Variants in KCNH5 observed in about 807,000 individuals in gnomAD.
KCNH5 encodes the protein voltage-gated delayed rectifier potassium channel KCNH5.
KCNH5 carries 46 observed loss-of-function variants against 96.1 expected under a neutral mutation model. The ratio of observed to expected loss-of-function variants is 0.48; its 90% CI spans 0.38 to 0.61. The LOEUF (loss-of-function observed/expected upper bound fraction) is 0.61. Among genes scored for constraint, KCNH5 ranks in the 20% least tolerant of loss-of-function variants. The pLI is 0.00. For missense variants in KCNH5, 907 were observed against 1,225.8 expected, an observed-to-expected ratio of 0.74 and a Z score of 3.88; for synonymous variants, 439 against 449.8, an observed-to-expected ratio of 0.98 and a Z score of 0.30.
chr14:62,862,734 G>C (rs541731802), intron 7 of KCNH5, among the ~76,000 whole-genome samples: 4 of 152,274 alleles, frequency 2.6e-5, no homozygotes, highest in African/African-American at 7.2e-5. Flanking sequence ...AAGAGAGCAA[G>C]AATAGCGAAG....
chr14:63,034,367 C>T (rs1255020509), intron 1 of KCNH5, among the ~76,000 whole-genome samples: 1 of 152,146 alleles, frequency 6.6e-6, no homozygotes, highest in African/African-American at 2.4e-5. Flanking sequence ...TAAACAAAAG[C>T]ACAATCATGC....
chr14:62,749,687 G>A (rs1439502593), intron 10 of KCNH5, among the ~76,000 whole-genome samples: 5 of 152,166 alleles, frequency 3.3e-5, no homozygotes, highest in Admixed American at 3.3e-4. Context: ...AAAGGGCTGA[G>A]CTGCAGATTT....
intron 1 of KCNH5, among the ~76,000 whole-genome samples, chr14:63,043,451 T>G (rs1461259615): frequency 6.6e-6 from 1 of 152,194 alleles, no homozygotes; most frequent in Non-Finnish European, 1.5e-5. Context: ...CAAACTGTTT[T>G]AAGAGTAATA....
At chr14:62,815,403 A>C (rs138602494) in intron 8 of KCNH5, among the ~76,000 whole-genome samples, 37 of 152,290 alleles carry the variant, frequency 2.4e-4, no homozygotes, top group Non-Finnish European at 5.0e-4. Flanking sequence ...TTTATTTATA[A>C]TATAATTTGT....
intron 8 of KCNH5, among the ~76,000 whole-genome samples, chr14:62,827,749 G>A (rs890098790): frequency 2.0e-5 from 3 of 152,106 alleles, no homozygotes; most frequent in African/African-American, 7.2e-5. Flanking sequence ...ATTACAACAG[G>A]TCAATTTTCC....
intron 10 of KCNH5, among the ~76,000 whole-genome samples, chr14:62,726,061 T>C (rs1884917802): frequency 6.6e-6 from 1 of 152,188 alleles, no homozygotes; most frequent in Non-Finnish European, 1.5e-5. Context: ...ACAATGATCA[T>C]TTAAATATAA....
intron 7 of KCNH5, among the ~76,000 whole-genome samples, chr14:62,937,112 C>T (rs535442595): frequency 2.0e-5 from 3 of 152,086 alleles, no homozygotes; most frequent in African/African-American, 2.4e-5. Flanking sequence ...ATGCTAGAAT[C>T]GTATATGTGA....
In KCNH5 at chr14:62,700,033, T is replaced by A. The variant is rs1437277318; in HGVS notation, c.*7475A>T. 1.3e-5 allele frequency: 2 copies of A among 152,184 alleles called. No individual in the cohort carries two copies. The highest frequency in any genetic ancestry group is 2.4e-5 in the African/African-American group (1 of 41,454). The allele number at this position is 152,184 out of a possible 1,614,324, so 9.4% of individuals were successfully genotyped here. A position where few individuals can be genotyped will look rare whatever the true frequency, so the allele number is the denominator to read the frequency against. Reference sequence around the variant, plus strand: ...TACCCCCAATATCTCACCAATATGGTTGCAGTGACAAAAACATTTAAGAAG... The same window carrying A: ...TACCCCCAATATCTCACCAATATGGATGCAGTGACAAAAACATTTAAGAAG... On this transcript the variant is annotated 3_prime_UTR_variant, in exon 11 of 11. Coordinates refer to ENST00000322893, the MANE Select transcript of KCNH5 (RefSeq NM_139318.5).
At chr14:62,850,050 T>C (rs1887774187) in intron 7 of KCNH5, among the ~76,000 whole-genome samples, 198 bp from the exon 8 acceptor site, 1 of 152,186 alleles carries the variant, frequency 6.6e-6, no homozygotes, top group Non-Finnish European at 1.5e-5. Context: ...AACATGACTT[T>C]ATGAGCATGC....
chr14:62,924,656 C>G (rs1414602883), intron 7 of KCNH5, among the ~76,000 whole-genome samples: 1 of 151,800 alleles, frequency 6.6e-6, no homozygotes. Flanking sequence ...AATCCTGCTG[C>G]CATTTGCAAT....
rs563706983 is a variant in KCNH5 at position 62,941,410 on chromosome 14, C to T, written c.1369+8723G>A. ...TGTACATCACACAGTCTTTTTCTAA[C>T]TACTGGACTACACATCTGAGACTGC... is the stretch of plus-strand genomic sequence containing the variant. On this transcript the variant is annotated intron_variant, in intron 7 of 10. Coordinates refer to ENST00000322893, the MANE Select transcript of KCNH5 (RefSeq NM_139318.5). Among the ~76,000 whole-genome samples the T allele has an allele frequency of 5.9e-5, 9 of 152,244 alleles. 1 individual carries two copies. The South Asian group carries it at 1.9e-3, about 32-fold the overall frequency.
intron 10 of KCNH5, among the ~76,000 whole-genome samples, chr14:62,766,030 AG>A (rs1885852404): frequency 6.6e-6 from 1 of 152,314 alleles, no homozygotes; most frequent in East Asian, 1.9e-4. Flanking sequence ...AATGGGCAAA[AG>A]ATTTGAAAAG....
At chr14:63,007,467 C>T (rs565441155) in intron 2 of KCNH5, among the ~76,000 whole-genome samples, 27 of 152,204 alleles carry the variant, frequency 1.8e-4, no homozygotes, top group African/African-American at 5.1e-4. Flanking sequence ...CCATTCTCAA[C>T]GTTTCTAATG....
intron 7 of KCNH5, among the ~76,000 whole-genome samples, chr14:62,947,778 T>A (rs1035638102): frequency 4.0e-5 from 6 of 151,806 alleles, no homozygotes; most frequent in Non-Finnish European, 7.4e-5. Flanking sequence ...GAGGCGCTAA[T>A]AATGCTAATC....
chr14:62,893,766 C>T (rs144628425), intron 7 of KCNH5, among the ~76,000 whole-genome samples: 19 of 152,156 alleles, frequency 1.2e-4, no homozygotes, highest in African/African-American at 4.3e-4. Context: ...AAGAATAGTA[C>T]ATAAACTTAG....
intron 10 of KCNH5, among the ~76,000 whole-genome samples, chr14:62,765,538 A>C (rs779897257): frequency 6.6e-6 from 1 of 152,204 alleles, no homozygotes; most frequent in African/African-American, 2.4e-5. Flanking sequence ...AATTAAACTA[A>C]AGAGTCTCAG....
chr14:62,781,690 G>T (rs577164719), intron 9 of KCNH5, among the ~76,000 whole-genome samples: 1 of 152,196 alleles, frequency 6.6e-6, no homozygotes, highest in Non-Finnish European at 1.5e-5. Context: ...CGGGCTCACC[G>T]GAGGTCAGAG....
At chr14:62,711,059 G>T (rs1884556489) in intron 10 of KCNH5, among the ~76,000 whole-genome samples, 1 of 152,110 alleles carries the variant, frequency 6.6e-6, no homozygotes, top group Admixed American at 6.5e-5. Context: ...GGCACCTTAG[G>T]CAAGAGCCTT....
chr14:62,893,986 G>C (rs912036934), intron 7 of KCNH5, among the ~76,000 whole-genome samples: 15 of 152,118 alleles, frequency 9.9e-5, no homozygotes, highest in Non-Finnish European at 2.2e-4. Context: ...CGTATGTTGA[G>C]GCAAGATCTT....
Sources: gnomAD v4.1 joint callset for allele counts (sites outside exome capture counted in the v4.1 genomes callset) on GRCh38, gnomAD v4.1.1 for gene constraint, MANE v1.5 for transcripts, NCBI Gene and HGNC (gene_info 2026-07-23, HGNC 2026-07-21) for gene names.